PPP2R3A: variants seen among roughly 807,000 people sequenced by gnomAD.
The protein encoded by PPP2R3A is serine/threonine-protein phosphatase 2A regulatory subunit B'' subunit alpha.
In PPP2R3A, 80 loss-of-function variants were observed where a neutral mutation model predicts 106.9. That is an observed-to-expected ratio of 0.75 (90% CI 0.62 to 0.90). The LOEUF is 0.90. PPP2R3A is among the 40% of genes least tolerant of loss of function. The pLI is 0.00. For synonymous variants in PPP2R3A, 483 were observed against 468.3 expected, an observed-to-expected ratio of 1.03 and a Z score of -0.41; for missense variants, 1,386 against 1,350.4, an observed-to-expected ratio of 1.03 and a Z score of -0.41.
chr3:136,085,142 T>A (rs111720975), intron 8 of PPP2R3A, among the ~76,000 whole-genome samples: 6,706 of 152,204 alleles, frequency 0.044, 512 homozygotes, highest in African/African-American at 0.15. Context: ...CCCAAATCTC[T>A]TATTGAATTG....
At chr3:136,014,618 G>C (rs950121256) in intron 2 of PPP2R3A, among the ~76,000 whole-genome samples, 15 of 151,984 alleles carry the variant, frequency 9.9e-5, no homozygotes, top group Admixed American at 5.3e-4. Context: ...TTCTTGATTT[G>C]ATTCTCAGCT....
At chr3:136,097,033 TATC>T (rs1020290764) in intron 10 of PPP2R3A, among the ~76,000 whole-genome samples, 1 of 152,368 alleles carries the variant, frequency 6.6e-6, no homozygotes, top group African/African-American at 2.4e-5. Flanking sequence ...TTGTCATTAA[TATC>T]ATTATGCTTT....
chr3:136,113,808 A>AG (rs1044814185), intron 13 of PPP2R3A, among the ~76,000 whole-genome samples: 18 of 152,064 alleles, frequency 1.2e-4, no homozygotes, highest in Admixed American at 2.6e-4. Flanking sequence ...AAAAAAAAAA[A>AG]AGAGAGAGAC....
rs141170427 is a variant in PPP2R3A, at chr3:136,058,923, G to A, written c.2469+9562G>A. Among the ~76,000 whole-genome samples, 21 of 152,304 alleles carry A rather than the reference G, an allele frequency of 1.4e-4. No individual in the cohort carries two copies. In the East Asian group the frequency reaches 3.7e-3, roughly 27 times the overall value. ...TTCCCTATTCAATAAATGGTGCTGGGATAACTGGCTAGCCACATGCAGATT... is the reference window on the plus strand; with the variant it reads ...TTCCCTATTCAATAAATGGTGCTGGAATAACTGGCTAGCCACATGCAGATT... On this transcript the variant is annotated intron_variant, in intron 5 of 13. Transcript: ENST00000264977.
chr3:135,990,049 C>T (rs1466412126), intron 1 of PPP2R3A, among the ~76,000 whole-genome samples: 2 of 152,074 alleles, frequency 1.3e-5, no homozygotes, highest in Non-Finnish European at 2.9e-5. Context: ...TGTCTTATTT[C>T]TACAGTCATT....
intron 5 of PPP2R3A, among the ~76,000 whole-genome samples, chr3:136,056,925 A>G (rs918676930): frequency 5.3e-5 from 8 of 152,334 alleles, no homozygotes; most frequent in East Asian, 3.9e-4. Flanking sequence ...CAACAGGTAT[A>G]TGAAAAAATA....
rs182854405 is a variant in PPP2R3A, at chr3:136,101,859, C to G, written c.2928-148C>G. 5 of 884,088 alleles carry G rather than the reference C, an allele frequency of 5.7e-6. No homozygotes were observed. The African/African-American group carries it at 8.6e-5, about 15-fold the overall frequency. 54.8% of individuals were successfully genotyped at this position (884,088 alleles called of 1,614,324 possible). ...GGAAAAATAAAGGGAAGAAGGGGTC[C>G]GCCATTTTCTCTAACAAACTTTGTA... On this transcript the variant is annotated intron_variant, in intron 10 of 13. Transcript: ENST00000264977.
Position 136,061,173 on chromosome 3 carries a change from A to G in PPP2R3A, c.2470-9305A>G, listed in dbSNP as rs75295663. 9.5e-3 allele frequency among the ~76,000 whole-genome samples: 1,453 copies of G among 152,322 alleles called. 9 individuals are homozygous for G. The highest frequency in any genetic ancestry group is 0.027 in the Middle Eastern group (8 of 294). Reference sequence around the variant, plus strand: ...GAGGATATCTTTCAGAGAGAAAGAGAGAGAGAAAAAGAAGATGGATATAGA... The same window carrying G: ...GAGGATATCTTTCAGAGAGAAAGAGGGAGAGAAAAAGAAGATGGATATAGA... On this transcript the variant is annotated intron_variant, in intron 5 of 13. Transcript: ENST00000264977.
intron 13 of PPP2R3A, among the ~76,000 whole-genome samples, chr3:136,109,831 G>A (rs1439433172): frequency 6.6e-6 from 1 of 152,104 alleles, no homozygotes; most frequent in East Asian, 1.9e-4. Flanking sequence ...CAAAATGAAG[G>A]AGCCAGCAGC....
chr3:136,099,190 A>T (rs916130899), intron 10 of PPP2R3A, among the ~76,000 whole-genome samples: 2 of 151,032 alleles, frequency 1.3e-5, no homozygotes, highest in Non-Finnish European at 2.9e-5. Context: ...ATCCCCAAGG[A>T]AAAAAACCAG....
At chr3:136,120,719 TAAAA>T (rs1270167956) in intron 13 of PPP2R3A, among the ~76,000 whole-genome samples, 1 of 151,798 alleles carries the variant, frequency 6.6e-6, no homozygotes, top group East Asian at 1.9e-4. Flanking sequence ...ATAAGGAACT[TAAAA>T]AAATCAACAA....
Position 136,106,227 on chromosome 3 carries a change from C to T in PPP2R3A, c.3234C>T (p.Asn1078=), listed in dbSNP as rs1453517153. ...TTCTTTCCAATCAGGATGTTGAGAA[C>T]GATGGGCCTGAGCCCTCAGACTGGG... The part of the protein sequence containing the change: ...DPFAVQKDVE[N]DGPEPSDWDR... The change falls in exon 13 of 14, where the codon AAC becomes AAT. Residue 1078 remains asparagine (N), a synonymous_variant. Coordinates refer to ENST00000264977, the MANE Select transcript of PPP2R3A (RefSeq NM_002718.5). 15 of 1,604,486 alleles carry T rather than the reference C, an allele frequency of 9.3e-6. No homozygotes were observed. The highest frequency in any genetic ancestry group is 1.7e-4 in the Middle Eastern group (1 of 6,044).
chr3:136,029,913 A>G (rs1934806668), intron 3 of PPP2R3A, among the ~76,000 whole-genome samples: 1 of 152,216 alleles, frequency 6.6e-6, no homozygotes, highest in African/African-American at 2.4e-5. Context: ...CTGCATTTTT[A>G]TAAAATGAGG....
At chr3:136,128,064 A>G (rs537793117) in intron 13 of PPP2R3A, among the ~76,000 whole-genome samples, 2 of 152,222 alleles carry the variant, frequency 1.3e-5, no homozygotes, top group Admixed American at 6.5e-5. Context: ...AAAACATGCC[A>G]AATTTTAAAG....
At chr3:136,066,690 C>A (rs751533521) in intron 5 of PPP2R3A, among the ~76,000 whole-genome samples, 2 of 151,594 alleles carry the variant, frequency 1.3e-5, no homozygotes, top group Non-Finnish European at 2.9e-5. Context: ...GGGGGAGTTG[C>A]TGCACACTTT....
chr3:136,006,777 A>T (rs895767572), intron 2 of PPP2R3A, among the ~76,000 whole-genome samples: 1 of 152,240 alleles, frequency 6.6e-6, no homozygotes, highest in Non-Finnish European at 1.5e-5. Flanking sequence ...GCAAGAGACT[A>T]TATAGATATA....
At chr3:136,061,639 G>A (rs1936077795) in intron 5 of PPP2R3A, among the ~76,000 whole-genome samples, 4 of 150,972 alleles carry the variant, frequency 2.6e-5, no homozygotes, top group Admixed American at 2.0e-4. Context: ...AAGCAAGCGA[G>A]GCCGGGCACA....
intron 13 of PPP2R3A, among the ~76,000 whole-genome samples, chr3:136,122,663 CAGAG>C (rs1475478005): frequency 6.6e-6 from 1 of 152,154 alleles, no homozygotes; most frequent in Non-Finnish European, 1.5e-5. Context: ...TACATACACA[CAGAG>C]AGCATACTAT....
intron 13 of PPP2R3A, among the ~76,000 whole-genome samples, chr3:136,112,279 G>A (rs145941052): frequency 9.9e-5 from 15 of 152,222 alleles, no homozygotes; most frequent in Admixed American, 3.3e-4. Flanking sequence ...CATAGTGATG[G>A]AAGTCCTATC....
Sources: allele counts gnomAD v4.1 joint callset (sites outside exome capture counted in the v4.1 genomes callset), GRCh38; gene constraint gnomAD v4.1.1; transcripts MANE v1.5; gene names NCBI Gene and HGNC (gene_info 2026-07-23, HGNC 2026-07-21).